FMN1: variants seen among roughly 807,000 people sequenced by gnomAD.
FMN1 encodes formin-1.
FMN1 carries 110 observed loss-of-function variants against 132.4 expected under a neutral mutation model. That is an observed-to-expected ratio of 0.83 (90% CI 0.71 to 0.97). The LOEUF is 0.97. Ranked by LOEUF, FMN1 falls within the 50% of genes least tolerant of loss-of-function variation. The probability of loss-of-function intolerance (pLI) is 0.00; values close to 1 mark genes in which losing one functional copy is unlikely to be tolerated. For synonymous variants in FMN1, 722 were observed against 651.7 expected (o/e 1.11, Z -1.64); for missense variants, 1,792 against 1,705.3 (o/e 1.05, Z -0.90).
rs141764977 is a variant in FMN1 at position 32,965,086 on chromosome 15, T to C, written c.2988-829A>G. 2.9e-3 allele frequency among the ~76,000 whole-genome samples: 439 copies of C among 151,652 alleles called. 2 individuals carry two copies. Among genetic ancestry groups the C allele is most frequent in the Middle Eastern group, 6.8e-3 (2 of 294 alleles). On this transcript the variant is annotated intron_variant, in intron 8 of 20. Coordinates refer to ENST00000616417, the MANE Select transcript of FMN1 (RefSeq NM_001277313.2). ...CATCTCCCAAATGTTTACTTTCTTA[T>C]CTTAATTTCAAACACTATTAATGTT...
intron 19 of FMN1, among the ~76,000 whole-genome samples, chr15:32,796,807 C>T (rs1243467426): frequency 6.6e-6 from 1 of 152,170 alleles, no homozygotes; most frequent in East Asian, 1.9e-4. Flanking sequence ...GCTAATATTT[C>T]TTAACACACA....
intron 16 of FMN1, among the ~76,000 whole-genome samples, chr15:32,882,640 T>TA (rs370796865): frequency 3.1e-4 from 47 of 152,184 alleles, no homozygotes; most frequent in African/African-American, 1.0e-3. Flanking sequence ...ACATGCCAGA[T>TA]AAAAAACAGT....
intron 17 of FMN1, among the ~76,000 whole-genome samples, chr15:32,844,050 TAATAAAA>T (rs567538308): frequency 6.5e-4 from 99 of 152,298 alleles, no homozygotes; most frequent in African/African-American, 2.2e-3. Context: ...TTCAGAAGAT[TAATAAAA>T]GGATTAAGGA....
chr15:33,069,711 C>A (rs993173099), intron 5 of FMN1, among the ~76,000 whole-genome samples: 6 of 152,210 alleles, frequency 3.9e-5, no homozygotes, highest in Admixed American at 3.3e-4. Context: ...TCCCATCAAC[C>A]ACTAAGGGTA....
intron 3 of FMN1, among the ~76,000 whole-genome samples, chr15:33,178,706 A>T (rs1965598075): frequency 6.6e-6 from 1 of 152,240 alleles, no homozygotes; most frequent in African/African-American, 2.4e-5. Context: ...AATACCTGAT[A>T]GATACACTGG....
chr15:32,842,803 T>TTTTG (rs397697970), intron 17 of FMN1, among the ~76,000 whole-genome samples: 1 of 147,922 alleles, frequency 6.8e-6, no homozygotes, highest in Non-Finnish European at 1.5e-5. Context: ...TTTTTTTTTT[T>TTTTG]GAGGAAGTAA....
chr15:32,970,600 T>G (rs41394546), intron 7 of FMN1: 1 of 152,234 alleles, frequency 6.6e-6, no homozygotes, highest in African/African-American at 2.4e-5. Context: ...CACAAATATC[T>G]AGAACACCTA....
At chr15:32,924,624 T>C (rs1226563504) in intron 10 of FMN1, among the ~76,000 whole-genome samples, 1 of 152,192 alleles carries the variant, frequency 6.6e-6, no homozygotes, top group African/African-American at 2.4e-5. Context: ...AATGTCAATA[T>C]AAAGATTTAC....
intron 8 of FMN1, among the ~76,000 whole-genome samples, chr15:32,965,015 G>A (rs1336318278): frequency 6.6e-6 from 1 of 152,188 alleles, no homozygotes; most frequent in Non-Finnish European, 1.5e-5. Flanking sequence ...CAGCCTCCGT[G>A]AGCTGACTCC....
intron 6 of FMN1, among the ~76,000 whole-genome samples, chr15:33,038,512 AAAT>A (rs1261325486): frequency 6.6e-6 from 1 of 152,268 alleles, no homozygotes; most frequent in East Asian, 1.9e-4. Context: ...TGCAAATAGT[AAAT>A]AAGTTGTTAA....
intron 17 of FMN1, among the ~76,000 whole-genome samples, chr15:32,823,152 GTTTTTT>G (rs373185751): frequency 2.0e-4 from 17 of 86,208 alleles, no homozygotes; most frequent in African/African-American, 6.4e-4. Context: ...AGTTTCTACT[GTTTTTT>G]TTTTTTTTTT....
At chr15:32,825,762 T>C (rs995416350) in intron 17 of FMN1, among the ~76,000 whole-genome samples, 2 of 152,226 alleles carry the variant, frequency 1.3e-5, no homozygotes, top group Non-Finnish European at 2.9e-5. Context: ...ATTCCCCTAT[T>C]ATACAGTTGT....
intron 4 of FMN1, among the ~76,000 whole-genome samples, chr15:33,097,655 T>G (rs576978487): frequency 4.6e-5 from 7 of 152,274 alleles, no homozygotes; most frequent in African/African-American, 7.2e-5. Context: ...GACAGAGAGA[T>G]AAACAGAGAA....
intron 10 of FMN1, among the ~76,000 whole-genome samples, chr15:32,921,815 T>A (rs1468497580): frequency 6.6e-6 from 1 of 151,940 alleles, no homozygotes; most frequent in Non-Finnish European, 1.5e-5. Context: ...GATTACAAGT[T>A]TGTGCCACCA....
intron 4 of FMN1, among the ~76,000 whole-genome samples, chr15:33,139,318 C>T (rs886889580): frequency 6.6e-6 from 1 of 152,154 alleles, no homozygotes; most frequent in East Asian, 1.9e-4. Flanking sequence ...TGTTGTTGGC[C>T]GGGCACGGTG....
intron 15 of FMN1, among the ~76,000 whole-genome samples, chr15:32,894,235 A>C (rs1161858802): frequency 6.6e-6 from 1 of 152,214 alleles, no homozygotes; most frequent in Non-Finnish European, 1.5e-5. Flanking sequence ...CTGTAATCTC[A>C]GCACTTTGGG....
intron 4 of FMN1, among the ~76,000 whole-genome samples, chr15:33,124,209 AGTG>A (rs1962835375): frequency 6.6e-6 from 1 of 152,220 alleles, no homozygotes; most frequent in Non-Finnish European, 1.5e-5. Flanking sequence ...TCAAAAGAAA[AGTG>A]AGGTGATGTT....
chr15:33,107,296 CTCT>C (rs1395036452), intron 4 of FMN1, among the ~76,000 whole-genome samples: 1 of 152,020 alleles, frequency 6.6e-6, no homozygotes, highest in Non-Finnish European at 1.5e-5. Flanking sequence ...AATCTCCCAG[CTCT>C]TCTTCCTTCT....
chr15:33,086,149 G>GCTGAGGCAGGAGAATCGC, intron 5 of FMN1, among the ~76,000 whole-genome samples: 1 of 152,042 alleles, frequency 6.6e-6, no homozygotes. Context: ...TACTCAGGAG[G>GCTGAGGCAGGAGAATCGC]CTGAGGCAGG....
Sources: gnomAD v4.1 joint callset for allele counts (sites outside exome capture counted in the v4.1 genomes callset) on GRCh38, gnomAD v4.1.1 for gene constraint, MANE v1.5 for transcripts, NCBI Gene and HGNC (gene_info 2026-07-23, HGNC 2026-07-21) for gene names.